TELO2: variants seen among roughly 807,000 people sequenced by gnomAD.
The protein encoded by TELO2 is telomere maintenance 2, also known as telomere length regulation protein TEL2 homolog.
A neutral mutation model predicts 91.0 loss-of-function variants in TELO2; 71 were observed. The observed-to-expected ratio is 0.78, with a 90% CI of 0.64 to 0.95. TELO2 has a LOEUF of 0.95. Ranked by LOEUF, TELO2 falls within the 40% of genes least tolerant of loss-of-function variation. TELO2 has a pLI of 0.00. For synonymous variants in TELO2, 584 were observed against 518.9 expected (o/e 1.13, Z -1.71); for missense variants, 1,183 against 1,141.3 (o/e 1.04, Z -0.53).
chr16:1,506,207 C>A (rs749861169), intron 16 of TELO2, 31 bp from the exon 17 acceptor site: 1 of 1,611,294 alleles, frequency 6.2e-7, no homozygotes, highest in South Asian at 1.1e-5. Context: ...CAAGCCTGCA[C>A]CTCCGTGATC....
In TELO2 at chr16:1,497,670, C is replaced by G. The variant is rs1002442493; in HGVS notation, c.830+162C>G. Among the ~76,000 whole-genome samples, 3 of 152,214 alleles carry G rather than the reference C, an allele frequency of 2.0e-5. No homozygotes were observed. Among genetic ancestry groups the G allele is most frequent in the Admixed American group, 6.5e-5 (1 of 15,282 alleles). On this transcript the variant is annotated intron_variant, in intron 5 of 20. Coordinates refer to ENST00000262319, the MANE Select transcript of TELO2 (RefSeq NM_016111.4). The surrounding 1 kb of genome is among the most constrained non-coding windows in gnomAD (Gnocchi z 4.0). Reference sequence around the variant, plus strand: ...GGTGCCCTCTCAGTTCCCGCACGTGCTGATGGTGACCTCTGTATCAGAGGG... The same window carrying G: ...GGTGCCCTCTCAGTTCCCGCACGTGGTGATGGTGACCTCTGTATCAGAGGG...
chr16:1,503,792 C>T (rs1438171984), intron 15 of TELO2, among the ~76,000 whole-genome samples: 1 of 151,944 alleles, frequency 6.6e-6, no homozygotes, highest in African/African-American at 2.4e-5. Flanking sequence ...TGATGGTTGC[C>T]CATCATGAAC....
chr16:1,497,236 C>T lies in TELO2; in HGVS notation c.683-125C>T, dbSNP rs541006542. On this transcript the variant is annotated intron_variant, in intron 4 of 20. Coordinates refer to ENST00000262319, the MANE Select transcript of TELO2 (RefSeq NM_016111.4). The surrounding 1 kb of genome is among the most constrained non-coding windows in gnomAD (Gnocchi z 4.0). ...CCCTTGCCCGGTCCTGTCCTGGGCC[C>T]GTGGGATCTGGGGCTCAGCTGTGCT... 4.3e-5 allele frequency: 64 copies of T among 1,496,118 alleles called. No homozygotes were observed. Among genetic ancestry groups the T allele is most frequent in the Admixed American group, 1.9e-4 (9 of 47,252 alleles). The allele number at this position is 1,496,118 out of a possible 1,614,324, so 92.7% of individuals were successfully genotyped here.
chr16:1,497,581 C>G lies in TELO2; in HGVS notation c.830+73C>G. 3 of 1,477,348 alleles carry G rather than the reference C, an allele frequency of 2.0e-6. No individual in the cohort carries two copies. Among genetic ancestry groups the G allele is most frequent in the Non-Finnish European group, 2.7e-6 (3 of 1,112,124 alleles). 91.5% of individuals were successfully genotyped at this position (1,477,348 alleles called of 1,614,324 possible). ...ACCCCCAGAGGCTGCCATTCCTTCA[C>G]GCTACTTCTCCTGGGCGCCGTGCTG... On this transcript the variant is annotated intron_variant, in intron 5 of 20. Transcript: ENST00000262319. This position sits in a 1 kb window ranked among gnomAD's most constrained non-coding sequence, Gnocchi z 4.0.
chr16:1,507,305 G>T lies in TELO2; in HGVS notation c.2227-1G>T. 1.2e-6 allele frequency: 2 copies of T among 1,608,832 alleles called. No individual in the cohort carries two copies. On this transcript the variant is annotated splice_acceptor_variant, in intron 18 of 20. Transcript: ENST00000262319. LOFTEE classifies it high-confidence loss of function. The stretch of plus-strand genomic sequence containing the variant: ...CTGACTGTCCCTCTGCTGGTGTCCA[G>T]GTGGCTGTGGCCATGGGCAAGGCCC...
At chr16:1,496,399 G>A (rs558930671) in intron 3 of TELO2, among the ~76,000 whole-genome samples, 1 of 152,356 alleles carries the variant, frequency 6.6e-6, no homozygotes, top group East Asian at 1.9e-4. Context: ...AGCCCCTCCT[G>A]TCTTTTCCGA....
intron 19 of TELO2, 36 bp from the exon 20 acceptor site, chr16:1,507,565 C>A: frequency 1.3e-6 from 2 of 1,545,478 alleles, no homozygotes; most frequent in South Asian, 2.3e-5. Flanking sequence ...GGGGTGTGGT[C>A]CCTGCCGAGC....
chr16:1,509,782 T>G, intron 20 of TELO2, 48 bp from the exon 21 acceptor site: 1 of 1,527,850 alleles, frequency 6.5e-7, no homozygotes, highest in Non-Finnish European at 8.9e-7. Flanking sequence ...GGAGGGAGAA[T>G]ACGCCCTCCA....
At chr16:1,502,013 A>T (rs773857305) in intron 11 of TELO2, 34 bp from the exon 12 acceptor site, 2 of 1,612,710 alleles carry the variant, frequency 1.2e-6, no homozygotes, top group Non-Finnish European at 8.5e-7. Flanking sequence ...GTCACAGGCC[A>T]TGGGCTGCTC....
Position 1,505,318 on chromosome 16 carries a change from C to T in TELO2, c.1843-92C>T, listed in dbSNP as rs565997885. 134 of 1,456,190 alleles carry T rather than the reference C, an allele frequency of 9.2e-5. No homozygotes were observed. The highest frequency in any genetic ancestry group is 3.7e-4 in the Admixed American group (17 of 45,612). The allele number at this position is 1,456,190 out of a possible 1,614,324, so 90.2% of individuals were successfully genotyped here. ...CCTTCTCCCAGGCTGGGCGGGCCCCCGGGCCCGTTTCTGGGGCTTTGGCTG... is the reference window on the plus strand; with the variant it reads ...CCTTCTCCCAGGCTGGGCGGGCCCCTGGGCCCGTTTCTGGGGCTTTGGCTG... On this transcript the variant is annotated intron_variant, in intron 15 of 20. Transcript: ENST00000262319. The surrounding 1 kb of genome is among the most constrained non-coding windows in gnomAD (Gnocchi z 4.3).
In TELO2 at chr16:1,500,182, C is replaced by G. The variant is rs1279722723; in HGVS notation, c.1002+18C>G. The G allele has an allele frequency of 8.2e-6, 13 of 1,593,434 alleles. No individual in the cohort carries two copies. Among genetic ancestry groups the G allele is most frequent in the Non-Finnish European group, 1.1e-5 (13 of 1,174,578 alleles). ...TGCTGCAGGTACGTGCCTCCTGGCTCTCCGTCCCTGCGAGGCCCTGGGAGA... is the reference window on the plus strand; with the variant it reads ...TGCTGCAGGTACGTGCCTCCTGGCTGTCCGTCCCTGCGAGGCCCTGGGAGA... On this transcript the variant is annotated intron_variant, in intron 7 of 20. Coordinates refer to ENST00000262319, the MANE Select transcript of TELO2 (RefSeq NM_016111.4).
At position 1,500,141 on chromosome 16, in the gene TELO2, C is replaced by T; in HGVS notation, c.979C>T (p.Gln327Ter). ...SLLGHLAMDS[Q>*]RRPLLLQVLK... ...GCTGGGCCATCTGGCCATGGACAGCCAGCGGCGCCCGCTCCTGCTGCAGGT... is the reference window on the plus strand; with the variant it reads ...GCTGGGCCATCTGGCCATGGACAGCTAGCGGCGCCCGCTCCTGCTGCAGGT... Residue 327 changes from glutamine to a stop codon, truncating the protein, a stop_gained, in exon 7 of 21, where the codon CAG (glutamine) becomes TAG (stop). Coordinates refer to ENST00000262319, the MANE Select transcript of TELO2 (RefSeq NM_016111.4). LOFTEE classifies it high-confidence loss of function. 1.2e-6 allele frequency: 2 copies of T among 1,607,410 alleles called. No homozygotes were observed. The highest frequency in any genetic ancestry group is 1.7e-6 in the Non-Finnish European group (2 of 1,179,238).
At position 1,505,058 on chromosome 16, in the gene TELO2, G is replaced by T. The variant is rs1185105719; in HGVS notation, c.1843-352G>T. 4 of 229,748 alleles carry T rather than the reference G, an allele frequency of 1.7e-5. No homozygotes were observed. In the South Asian group the frequency reaches 2.8e-4, roughly 16 times the overall value. The allele number at this position is 229,748 out of a possible 1,614,324, so 14.2% of individuals were successfully genotyped here. A position where few individuals can be genotyped will look rare whatever the true frequency, so the allele number is the denominator to read the frequency against. ...CTCTGCAATGTTCTGAGGTCCCCCC[G>T]CCCGTGGCACGTGCCGCTGCAGCGT... On this transcript the variant is annotated intron_variant, in intron 15 of 20. Coordinates refer to ENST00000262319, the MANE Select transcript of TELO2 (RefSeq NM_016111.4). The surrounding 1 kb of genome is among the most constrained non-coding windows in gnomAD (Gnocchi z 4.3).
intron 20 of TELO2, 93 bp downstream of exon 20, chr16:1,507,809 G>A (rs2039958063): frequency 1.4e-5 from 15 of 1,043,490 alleles, no homozygotes; most frequent in Non-Finnish European, 1.6e-5. Context: ...GTGTCGGCCC[G>A]GGGTGTGTGT....
At position 1,501,946 on chromosome 16, in the gene TELO2, G is replaced by A. The variant is rs374808019; in HGVS notation, c.1473-101G>A. ...CCACCGTAGGCGCAGGGGCCGAGGC[G>A]TGAGCTCCGCATCTTGGGGAGGAGA... is the stretch of plus-strand genomic sequence containing the variant. On this transcript the variant is annotated intron_variant, in intron 11 of 20. Transcript: ENST00000262319. 244 of 1,538,316 alleles carry A rather than the reference G, an allele frequency of 1.6e-4. 1 individual carries two copies. The East Asian group carries it at 3.8e-3, about 24-fold the overall frequency.
intron 16 of TELO2, among the ~76,000 whole-genome samples, chr16:1,506,021 C>T (rs1014155942): frequency 2.6e-5 from 4 of 152,228 alleles, no homozygotes; most frequent in African/African-American, 4.8e-5. Context: ...CCTGCAAGTT[C>T]GGGAACGCCT....
At chr16:1,499,872 G>A (rs187829133) in intron 6 of TELO2, among the ~76,000 whole-genome samples, 253 of 152,352 alleles carry the variant, frequency 1.7e-3, no homozygotes, top group African/African-American at 5.8e-3. Context: ...GTTTTATCAC[G>A]TTCAGTTCAA....
intron 20 of TELO2, 150 bp downstream of exon 20, chr16:1,507,866 G>A (rs1353665806): frequency 5.0e-6 from 2 of 398,612 alleles, no homozygotes; most frequent in Non-Finnish European, 8.5e-6. Flanking sequence ...GTGTGTGTGT[G>A]TGTGTGTGTG....
chr16:1,497,029 G>C lies in TELO2; in HGVS notation c.614-7G>C. Reference sequence around the variant, plus strand: ...GCTTCCTCATCAGGCCTCCCTTTCTGTCCCAGGTGGCCTGGATTCCTCCGT... The same window carrying C: ...GCTTCCTCATCAGGCCTCCCTTTCTCTCCCAGGTGGCCTGGATTCCTCCGT... On this transcript the variant is annotated splice_polypyrimidine_tract_variant and splice_region_variant and intron_variant, in intron 3 of 20. Transcript: ENST00000262319. This position sits in a 1 kb window ranked among gnomAD's most constrained non-coding sequence, Gnocchi z 4.0. 6.2e-7 allele frequency: 1 copy of C among 1,613,776 alleles called. No homozygotes were observed. Among genetic ancestry groups the C allele is most frequent in the Non-Finnish European group, 8.5e-7 (1 of 1,179,868 alleles).
Sources: gnomAD v4.1 joint callset for allele counts (sites outside exome capture counted in the v4.1 genomes callset) on GRCh38, gnomAD v4.1.1 for gene constraint, Gnocchi (gnomAD v3.1) non-coding constraint, MANE v1.5 for transcripts, NCBI Gene and HGNC (gene_info 2026-07-23, HGNC 2026-07-21) for gene names.